Variants in RBFOX1 observed in about 807,000 individuals in gnomAD.
RBFOX1 encodes the protein RNA binding protein fox-1 homolog 1.
Under a neutral mutation model 57.7 loss-of-function variants are expected in RBFOX1, and 8 were observed. The ratio of observed to expected loss-of-function variants is 0.14; its 90% CI spans 0.08 to 0.25. RBFOX1 has a LOEUF of 0.25. Among genes scored for constraint, RBFOX1 ranks in the 10% least tolerant of loss-of-function variants. RBFOX1 has a pLI of 1.00. For synonymous variants in RBFOX1, 326 were observed against 222.4 expected, an observed-to-expected ratio of 1.47 and a Z score of -4.15; for missense variants, 611 against 548.5, an observed-to-expected ratio of 1.11 and a Z score of -1.14.
chr16:5,870,801 G>C (rs2057451342), intron 4 of RBFOX1, among the ~76,000 whole-genome samples: 1 of 151,996 alleles, frequency 6.6e-6, no homozygotes, highest in Non-Finnish European at 1.5e-5. Flanking sequence ...TGTTCTGTTA[G>C]GTAAATAATA....
rs552424667 is a variant in RBFOX1 at position 7,120,275 on chromosome 16, G to C, written c.27+68177G>C. On this transcript the variant is annotated intron_variant, in intron 4 of 15. Transcript: ENST00000550418. ...AACAATGTAAGTGCATATCATAAGA[G>C]ACTATTAAAAAAAGCAAATCAAAAA... Among the ~76,000 whole-genome samples the C allele has an allele frequency of 2.8e-5, 4 of 142,708 alleles. No individual in the cohort carries two copies. The South Asian group carries it at 9.8e-4, about 35-fold the overall frequency. 93.6% of individuals were successfully genotyped at this position (142,708 alleles called of 152,430 possible).
At chr16:5,451,008 A>T (rs2068409431) in intron 1 of RBFOX1, among the ~76,000 whole-genome samples, 1 of 152,236 alleles carries the variant, frequency 6.6e-6, no homozygotes, top group African/African-American at 2.4e-5. Context: ...TGATGATTAA[A>T]TTAGGTCACA....
intron 4 of RBFOX1, among the ~76,000 whole-genome samples, chr16:7,407,498 AT>A: frequency 6.6e-6 from 1 of 152,148 alleles, no homozygotes; most frequent in South Asian, 2.1e-4. Flanking sequence ...AATCATATGC[AT>A]CTTTGTATCC....
At chr16:6,218,850 C>T (rs1161949898) in intron 1 of RBFOX1, among the ~76,000 whole-genome samples, 1 of 24,250 alleles carries the variant, frequency 4.1e-5, no homozygotes, top group Admixed American at 7.4e-4. Context: ...ACAATTGAAG[C>T]CAGAAAAAAA....
chr16:6,063,589 C>T (rs1328610488), intron 1 of RBFOX1, among the ~76,000 whole-genome samples: 1 of 151,994 alleles, frequency 6.6e-6, no homozygotes, highest in Middle Eastern at 3.2e-3. Flanking sequence ...ATCCTGGGTC[C>T]TCTCCACACT....
At chr16:6,213,603 T>A (rs369629487) in intron 1 of RBFOX1, among the ~76,000 whole-genome samples, 229 of 152,334 alleles carry the variant, frequency 1.5e-3, no homozygotes, top group African/African-American at 5.2e-3. Flanking sequence ...TTATAACATG[T>A]ATTTAAGCCG....
In RBFOX1 at chr16:7,195,706, C is replaced by G. The variant is rs553431507; in HGVS notation, c.27+143608C>G. On this transcript the variant is annotated intron_variant, in intron 4 of 15. Coordinates refer to ENST00000550418, the MANE Select transcript of RBFOX1 (RefSeq NM_018723.4). ...TAGCTGGAACTACAGGCCTGCACCACCACACTTGGCTAATTTTTGTATTTT... is the reference window on the plus strand; with the variant it reads ...TAGCTGGAACTACAGGCCTGCACCAGCACACTTGGCTAATTTTTGTATTTT... Among the ~76,000 whole-genome samples, 78 of 152,204 alleles carry G rather than the reference C, an allele frequency of 5.1e-4. 1 individual carries two copies. The highest frequency in any genetic ancestry group is 1.2e-3 in the African/African-American group (51 of 41,526).
At chr16:7,364,925 C>T (rs1375721072) in intron 4 of RBFOX1, among the ~76,000 whole-genome samples, 1 of 152,180 alleles carries the variant, frequency 6.6e-6, no homozygotes, top group East Asian at 1.9e-4. Flanking sequence ...GTGAATGTGT[C>T]AATTAGATGC....
intron 4 of RBFOX1, among the ~76,000 whole-genome samples, chr16:5,942,998 A>C (rs770526495): frequency 2.0e-5 from 3 of 152,148 alleles, no homozygotes; most frequent in Non-Finnish European, 4.4e-5. Flanking sequence ...GCACCCCCCA[A>C]GGGGTCTGCA....
chr16:5,499,579 AT>A (rs561431557), intron 2 of RBFOX1, among the ~76,000 whole-genome samples: 69 of 148,420 alleles, frequency 4.6e-4, no homozygotes, highest in African/African-American at 1.2e-3. Context: ...TTTTTTTTAA[AT>A]TTTTTTTTTT....
At chr16:5,693,466 T>C (rs930301615) in intron 3 of RBFOX1, among the ~76,000 whole-genome samples, 1 of 152,120 alleles carries the variant, frequency 6.6e-6, no homozygotes, top group Non-Finnish European at 1.5e-5. Flanking sequence ...TTTTATTTTG[T>C]TTTGCCTGTT....
At chr16:7,045,807 C>A (rs1393091161) in intron 3 of RBFOX1, among the ~76,000 whole-genome samples, 3 of 152,018 alleles carry the variant, frequency 2.0e-5, no homozygotes, top group Non-Finnish European at 2.9e-5. Flanking sequence ...AGGCGCATTC[C>A]ACCACGTGTG....
chr16:5,787,779 A>G (rs577650277), intron 3 of RBFOX1, among the ~76,000 whole-genome samples: 12 of 152,330 alleles, frequency 7.9e-5, no homozygotes, highest in African/African-American at 2.9e-4. Context: ...CTCCATGAGG[A>G]TCATTTCCCA....
chr16:6,849,912 C>T (rs2093975814), intron 3 of RBFOX1, among the ~76,000 whole-genome samples: 1 of 152,182 alleles, frequency 6.6e-6, no homozygotes, highest in Non-Finnish European at 1.5e-5. Context: ...GTGTATATCT[C>T]CCAGTTGACT....
intron 2 of RBFOX1, among the ~76,000 whole-genome samples, chr16:6,433,943 G>C (rs1433725361): frequency 6.6e-6 from 1 of 151,260 alleles, no homozygotes; most frequent in Non-Finnish European, 1.5e-5. Context: ...CACCTCCCGG[G>C]TTCAAGCAAT....
intron 3 of RBFOX1, among the ~76,000 whole-genome samples, chr16:6,797,728 A>T (rs2084413722): frequency 6.6e-6 from 1 of 152,134 alleles, no homozygotes; most frequent in South Asian, 2.1e-4. Flanking sequence ...GGTGTTTCCA[A>T]ACCACGTTGG....
intron 3 of RBFOX1, among the ~76,000 whole-genome samples, chr16:5,779,095 T>A (rs2342732): frequency 0.27 from 41,719 of 152,050 alleles, 6,189 homozygotes; most frequent in East Asian, 0.55. Flanking sequence ...GACTAAGTGA[T>A]CATGAACTCA....
At chr16:6,018,348 C>T (rs568966239), upstream of RBFOX1, among the ~76,000 whole-genome samples, 1 of 152,338 alleles carries the variant, frequency 6.6e-6, no homozygotes, top group South Asian at 2.1e-4. Flanking sequence ...CCAGTATCTA[C>T]TTCCAGTTGT....
intron 4 of RBFOX1, among the ~76,000 whole-genome samples, chr16:7,232,095 C>T (rs1402736045): frequency 6.6e-6 from 1 of 152,068 alleles, no homozygotes; most frequent in Non-Finnish European, 1.5e-5. Context: ...GCACAATCGG[C>T]TCACTGCAAA....
Sources: gnomAD v4.1 joint callset for allele counts (sites outside exome capture counted in the v4.1 genomes callset) on GRCh38, gnomAD v4.1.1 for gene constraint, MANE v1.5 for transcripts, NCBI Gene and HGNC (gene_info 2026-07-23, HGNC 2026-07-21) for gene names.